Variants in ARHGAP42 observed in about 807,000 individuals in gnomAD.
The protein encoded by ARHGAP42 is Rho GTPase activating protein 42, also known as rho GTPase-activating protein 42.
Under a neutral mutation model 125.0 loss-of-function variants are expected in ARHGAP42, and 63 were observed. The observed-to-expected ratio is 0.50, with a 90% CI of 0.41 to 0.62. The LOEUF (loss-of-function observed/expected upper bound fraction) is 0.62. ARHGAP42 is among the 20% of genes least tolerant of loss of function. The probability of loss-of-function intolerance (pLI) is 0.00; values close to 1 mark genes in which losing one functional copy is unlikely to be tolerated. For missense variants in ARHGAP42, 766 were observed against 1,024.2 expected (o/e 0.75, Z 3.44); for synonymous variants, 339 against 351.0 (o/e 0.97, Z 0.38).
rs1858408372 is a variant in ARHGAP42 at position 100,976,936 on chromosome 11, T to C, written c.2358T>C (p.Thr786=). The C allele has an allele frequency of 1.3e-6, 2 of 1,551,328 alleles. No individual in the cohort carries two copies. Among genetic ancestry groups the C allele is most frequent in the South Asian group, 1.2e-5 (1 of 84,060 alleles). The change falls in exon 21 of 24, where the codon ACT becomes ACC. Residue 786 remains threonine (T), a synonymous_variant. Coordinates refer to ENST00000298815, the MANE Select transcript of ARHGAP42 (RefSeq NM_152432.4). ...PKMCRRLRLD[T]ASSNGYQRPG... ...TGTGCAGGAGATTAAGACTAGACACTGCCTCAAGCAATGGCTATCAGCGGC... is the reference window on the plus strand; with the variant it reads ...TGTGCAGGAGATTAAGACTAGACACCGCCTCAAGCAATGGCTATCAGCGGC...
intron 3 of ARHGAP42, among the ~76,000 whole-genome samples, chr11:100,858,793 T>C (rs1865381380): frequency 6.6e-6 from 1 of 152,132 alleles, no homozygotes; most frequent in Non-Finnish European, 1.5e-5. Flanking sequence ...CTGGGCCTCC[T>C]CTTTATTTTA....
chr11:100,929,238 A>G (rs1037987427), intron 6 of ARHGAP42, among the ~76,000 whole-genome samples: 1 of 152,106 alleles, frequency 6.6e-6, no homozygotes, highest in African/African-American at 2.4e-5. Context: ...ACAGTTCACA[A>G]TAGGCCTCAC....
intron 2 of ARHGAP42, among the ~76,000 whole-genome samples, chr11:100,790,435 AG>A (rs1338392263): frequency 6.6e-6 from 1 of 152,184 alleles, no homozygotes; most frequent in African/African-American, 2.4e-5. Flanking sequence ...ATAATTTGTT[AG>A]AAAGTTAAAA....
At chr11:100,982,408 C>A (rs1232104756) in intron 22 of ARHGAP42, among the ~76,000 whole-genome samples, 1 of 152,146 alleles carries the variant, frequency 6.6e-6, no homozygotes, top group African/African-American at 2.4e-5. Flanking sequence ...TTTTGTCACC[C>A]TCCCCAAGTG....
At chr11:100,837,202 TAA>T (rs1488021773) in intron 3 of ARHGAP42, among the ~76,000 whole-genome samples, 1 of 152,154 alleles carries the variant, frequency 6.6e-6, no homozygotes, top group African/African-American at 2.4e-5. Flanking sequence ...CCTAAATGTT[TAA>T]GTGTGTATTT....
chr11:100,936,587 A>G (rs1365364241), intron 8 of ARHGAP42, among the ~76,000 whole-genome samples: 2 of 152,204 alleles, frequency 1.3e-5, no homozygotes, highest in African/African-American at 4.8e-5. Context: ...TTAGCATTTA[A>G]TTGTGATACT....
chr11:100,800,604 A>G (rs904976742), intron 3 of ARHGAP42, among the ~76,000 whole-genome samples: 1 of 151,986 alleles, frequency 6.6e-6, no homozygotes, highest in Non-Finnish European at 1.5e-5. Flanking sequence ...ATGAAGGAAG[A>G]TCCGACCACC....
intron 3 of ARHGAP42, among the ~76,000 whole-genome samples, chr11:100,826,900 A>G (rs1437867202): frequency 6.6e-6 from 1 of 152,112 alleles, no homozygotes; most frequent in African/African-American, 2.4e-5. Flanking sequence ...AGTTAATTAC[A>G]CAATTCTTTA....
intron 2 of ARHGAP42, among the ~76,000 whole-genome samples, chr11:100,791,685 A>AC (rs1487649220): frequency 6.6e-6 from 1 of 151,920 alleles, no homozygotes; most frequent in African/African-American, 2.4e-5. Context: ...TGAAAAATCA[A>AC]CAAAAAAAAA....
chr11:100,875,507 A>G (rs1865799535), intron 4 of ARHGAP42, among the ~76,000 whole-genome samples: 1 of 152,186 alleles, frequency 6.6e-6, no homozygotes, highest in African/African-American at 2.4e-5. Context: ...TTCTGAGACA[A>G]GGATGACCAT....
intron 1 of ARHGAP42, among the ~76,000 whole-genome samples, chr11:100,724,217 T>G (rs551831297): frequency 6.6e-6 from 1 of 152,216 alleles, no homozygotes; most frequent in African/African-American, 2.4e-5. Context: ...TAGATTCGAT[T>G]TGCTAGTATT....
chr11:100,924,012 G>T (rs1188900764), intron 6 of ARHGAP42, among the ~76,000 whole-genome samples: 1 of 152,054 alleles, frequency 6.6e-6, no homozygotes. Flanking sequence ...AAGCTCCCAG[G>T]AGCTATAAAC....
At chr11:100,846,494 C>T (rs1237218857) in intron 3 of ARHGAP42, among the ~76,000 whole-genome samples, 2 of 152,158 alleles carry the variant, frequency 1.3e-5, no homozygotes, top group African/African-American at 4.8e-5. Context: ...CTTCCATATT[C>T]TTTCTCCACC....
At chr11:100,749,053 C>T (rs772334584) in intron 1 of ARHGAP42, among the ~76,000 whole-genome samples, 12 of 152,138 alleles carry the variant, frequency 7.9e-5, no homozygotes, top group East Asian at 1.9e-4. Flanking sequence ...CCTCTCCCAG[C>T]GGCTTATGCT....
At position 100,753,317 on chromosome 11, in the gene ARHGAP42, C is replaced by T. The variant is rs1862501775; in HGVS notation, c.155-17026C>T. 2.0e-5 allele frequency among the ~76,000 whole-genome samples: 3 copies of T among 152,150 alleles called. No homozygotes were observed. The South Asian group carries it at 6.2e-4, about 32-fold the overall frequency. On this transcript the variant is annotated intron_variant, in intron 1 of 23. Transcript: ENST00000298815. ...CTTGATAAGGCAGGTCTCTCACCTG[C>T]AGTGTTCACTAGCAGCAGCTAGCTG... is the stretch of plus-strand genomic sequence containing the variant.
At chr11:100,819,252 T>G (rs1308596555) in intron 3 of ARHGAP42, among the ~76,000 whole-genome samples, 1 of 152,116 alleles carries the variant, frequency 6.6e-6, no homozygotes, top group Non-Finnish European at 1.5e-5. Flanking sequence ...GTGAGGTTAG[T>G]CAGAAGGCTA....
chr11:100,851,936 T>C (rs1307488560), intron 3 of ARHGAP42, among the ~76,000 whole-genome samples: 3 of 152,142 alleles, frequency 2.0e-5, no homozygotes, highest in Non-Finnish European at 4.4e-5. Flanking sequence ...CTTGGCTGAT[T>C]TCAACACAAG....
intron 4 of ARHGAP42, among the ~76,000 whole-genome samples, chr11:100,896,555 A>G (rs1866370623): frequency 1.3e-5 from 2 of 152,144 alleles, no homozygotes; most frequent in Admixed American, 6.5e-5. Flanking sequence ...GTGATATCTC[A>G]TTGTGCTTTT....
chr11:100,930,922 A>T (rs1867563069), intron 6 of ARHGAP42, among the ~76,000 whole-genome samples: 1 of 152,138 alleles, frequency 6.6e-6, no homozygotes. Flanking sequence ...ACACATTGAC[A>T]TTCCTTATCC....
Sources: allele counts gnomAD v4.1 joint callset (sites outside exome capture counted in the v4.1 genomes callset), GRCh38; gene constraint gnomAD v4.1.1; transcripts MANE v1.5; gene names NCBI Gene and HGNC (gene_info 2026-07-23, HGNC 2026-07-21).